Variants in C19orf44 observed in about 807,000 individuals in gnomAD.
C19orf44 encodes the protein uncharacterized protein C19orf44.
C19orf44 carries 43 observed loss-of-function variants against 50.7 expected under a neutral mutation model. The ratio of observed to expected loss-of-function variants is 0.85; its 90% CI spans 0.66 to 1.09. C19orf44 has a LOEUF of 1.09. Among genes scored for constraint, C19orf44 ranks in the 50% least tolerant of loss-of-function variants. The probability of loss-of-function intolerance (pLI) is 0.00; values close to 1 mark genes in which losing one functional copy is unlikely to be tolerated. For synonymous variants in C19orf44, 298 were observed against 334.7 expected (o/e 0.89, Z 1.20); for missense variants, 722 against 836.2 (o/e 0.86, Z 1.68).
intron 3 of C19orf44, among the ~76,000 whole-genome samples, chr19:16,504,903 C>G (rs1484098150): frequency 6.6e-6 from 1 of 151,396 alleles, no homozygotes; most frequent in African/African-American, 2.4e-5. Context: ...ACTGTAACCT[C>G]CGCCTCCTGG....
intron 3 of C19orf44, among the ~76,000 whole-genome samples, chr19:16,503,766 T>C (rs908718122): frequency 2.0e-5 from 3 of 152,008 alleles, no homozygotes; most frequent in African/African-American, 7.2e-5. Flanking sequence ...GGTTTCACCA[T>C]GTTGTCCAGG....
At chr19:16,505,338 C>T (rs929209473) in intron 3 of C19orf44, among the ~76,000 whole-genome samples, 28 of 151,752 alleles carry the variant, frequency 1.8e-4, no homozygotes, top group East Asian at 9.8e-4. Context: ...CTCAGCCTCT[C>T]GAGTAGCTGG....
rs746416232 is a variant in C19orf44 at position 16,503,170 on chromosome 19, C to G, written c.865C>G (p.Leu289Val). 24 of 1,614,040 alleles carry G rather than the reference C, an allele frequency of 1.5e-5. No homozygotes were observed. Among genetic ancestry groups the G allele is most frequent in the Non-Finnish European group, 1.9e-5 (23 of 1,180,040 alleles). Residue 289 changes from leucine to valine, a missense_variant, in exon 3 of 9, where the codon CTT (leucine) becomes GTT (valine). Physicochemically the swap from Leu to Val is conservative, Grantham distance 32. Transcript: ENST00000221671. The stretch of plus-strand genomic sequence containing the variant: ...AACCTCCCTGGCAGCAGACAGAACC[C>G]TTCACAGCACTCGCTCAAGAGCAGA... ...LPTSLAADRTLHSTRSRADYP... is the reference protein window; with the variant it reads ...LPTSLAADRTVHSTRSRADYP...
intron 3 of C19orf44, among the ~76,000 whole-genome samples, chr19:16,506,069 G>A (rs2093439718): frequency 6.6e-6 from 1 of 151,836 alleles, no homozygotes; most frequent in African/African-American, 2.4e-5. Context: ...GCTTTGAACT[G>A]GTCTCAAGAG....
At chr19:16,511,289 C>T (rs910361407) in intron 5 of C19orf44, among the ~76,000 whole-genome samples, 1 of 152,094 alleles carries the variant, frequency 6.6e-6, no homozygotes, top group Non-Finnish European at 1.5e-5. Context: ...CCTGCCTCGG[C>T]CTCTCAAAGT....
At position 16,501,434 on chromosome 19, in the gene C19orf44, C is replaced by CG; in HGVS notation, c.643dup (p.Glu215GlyfsTer16). The CG allele has an allele frequency of 6.8e-6, 11 of 1,613,380 alleles. No individual in the cohort carries two copies. The highest frequency in any genetic ancestry group is 6.8e-6 in the Non-Finnish European group (8 of 1,179,828). The stretch of plus-strand genomic sequence containing the variant: ...GAACATTTGATTCTCCAGACAGTGA[C>CG]GAAGAAGAAATGAAAGTATTGCTAG... On this transcript the variant is annotated frameshift_variant, in exon 2 of 9. Transcript: ENST00000221671. LOFTEE classifies it high-confidence loss of function.
chr19:16,498,676 CTT>C (rs553673820), intron 1 of C19orf44, among the ~76,000 whole-genome samples: 2 of 143,990 alleles, frequency 1.4e-5, no homozygotes, highest in East Asian at 2.0e-4. Flanking sequence ...TGGTTTTTTT[CTT>C]TTTTTTTTTT....
chr19:16,506,686 A>AT lies in C19orf44; in HGVS notation c.1076-9dup. On this transcript the variant is annotated splice_polypyrimidine_tract_variant and intron_variant, in intron 3 of 8. Transcript: ENST00000221671. ...AGAGTAAATGTAAACGCTTATACTC[A>AT]TTTTTTAATTACAGAGTTTAGAATA... 1.3e-6 allele frequency: 2 copies of AT among 1,555,888 alleles called. No individual in the cohort carries two copies. The highest frequency in any genetic ancestry group is 1.4e-5 in the African/African-American group (1 of 72,406).
Position 16,503,112 on chromosome 19 carries a change from C to T in C19orf44, c.807C>T (p.Ser269=). Residue 269 remains serine, a synonymous_variant, in exon 3 of 9, where the codon TCC becomes TCT. Transcript: ENST00000221671. ...RAFTVPSVEL[S]SAKPSQTSHL... Reference sequence around the variant, plus strand: ...TTACTGTACCCAGCGTGGAACTCTCCAGCGCAAAGCCTTCTCAGACATCAC... The same window carrying T: ...TTACTGTACCCAGCGTGGAACTCTCTAGCGCAAAGCCTTCTCAGACATCAC... The T allele has an allele frequency of 1.2e-6, 2 of 1,614,096 alleles. No homozygotes were observed. Among genetic ancestry groups the T allele is most frequent in the Non-Finnish European group, 1.7e-6 (2 of 1,180,026 alleles).
intron 4 of C19orf44, among the ~76,000 whole-genome samples, chr19:16,508,719 C>G (rs1484544167): frequency 6.6e-6 from 1 of 151,944 alleles, no homozygotes; most frequent in Non-Finnish European, 1.5e-5. Flanking sequence ...TATTTTTTTT[C>G]TTACAGAGGT....
At chr19:16,518,983 C>T in intron 8 of C19orf44, 1 of 650,148 alleles carries the variant, frequency 1.5e-6, no homozygotes, top group Non-Finnish European at 2.6e-6. Flanking sequence ...CCCTCCACGC[C>T]ATGGAGCACG....
Position 16,503,238 on chromosome 19 carries a change from G to A in C19orf44, c.933G>A (p.Thr311=), listed in dbSNP as rs146360582. ...TTTCCAGTGACACCGCCTCCCACAC[G>A]CCGTCAGTTTCCATCACAGGCGCCT... ...SHVSSDTASH[T]PSVSITGAFS... is the part of the protein sequence containing the mutation. Residue 311 remains threonine, a synonymous_variant, in exon 3 of 9, where the codon ACG becomes ACA. Transcript: ENST00000221671. 4.7e-5 allele frequency: 76 copies of A among 1,613,944 alleles called. No individual in the cohort carries two copies. Among genetic ancestry groups the A allele is most frequent in the African/African-American group, 2.5e-4 (19 of 74,870 alleles).
In C19orf44 at chr19:16,511,286, C is replaced by T. The variant is rs1353404477; in HGVS notation, c.1639+1298C>T. 4.6e-5 allele frequency among the ~76,000 whole-genome samples: 7 copies of T among 152,148 alleles called. No individual in the cohort carries two copies. In the South Asian group the frequency reaches 6.2e-4, roughly 14 times the overall value. On this transcript the variant is annotated intron_variant, in intron 5 of 8. Transcript: ENST00000221671. ...TCCTGACCTCGTGATCTGCCTGCCT[C>T]GGCCTCTCAAAGTGCTGGGATTATA...
At chr19:16,517,407 T>G (rs1389698703) in intron 8 of C19orf44, 66 bp downstream of exon 8, 1 of 1,190,378 alleles carries the variant, frequency 8.4e-7, no homozygotes, top group Admixed American at 2.0e-5. Flanking sequence ...AGTGTCCAAG[T>G]GTGACGTTCC....
chr19:16,501,385 C>T lies in C19orf44; in HGVS notation c.593C>T (p.Thr198Ile). 6.2e-7 allele frequency: 1 copy of T among 1,613,846 alleles called. No homozygotes were observed. Among genetic ancestry groups the T allele is most frequent in the Non-Finnish European group, 8.5e-7 (1 of 1,179,956 alleles). ...APAGKERTLQ[T>I]PKQKEPARTF... ...GCTGGGAAAGAGAGGACTTTGCAAA[C>T]CCCCAAACAGAAAGAACCTGCTAGA... Residue 198 changes from threonine (T) to isoleucine (I), a missense_variant, in exon 2 of 9, where the codon ACC (threonine) becomes ATC (isoleucine). Coordinates refer to ENST00000221671, the MANE Select transcript of C19orf44 (RefSeq NM_032207.4).
chr19:16,519,545 A>G lies in C19orf44; in HGVS notation c.*41-549A>G. The stretch of plus-strand genomic sequence containing the variant: ...CATCCATCCCCACATGCACTGAGGA[A>G]GAGAAAGCGCTGGTGACTCCCGGGC... On this transcript the variant is annotated intron_variant, in intron 8 of 8. Coordinates refer to ENST00000221671, the MANE Select transcript of C19orf44 (RefSeq NM_032207.4). This position sits in a 1 kb window ranked among gnomAD's most constrained non-coding sequence, Gnocchi z 6.0. 7.2e-7 allele frequency: 1 copy of G among 1,381,666 alleles called. No homozygotes were observed. Among genetic ancestry groups the G allele is most frequent in the Non-Finnish European group, 1.0e-6 (1 of 971,564 alleles). The allele number at this position is 1,381,666 out of a possible 1,614,324, so 85.6% of individuals were successfully genotyped here.
At chr19:16,512,902 C>A in intron 5 of C19orf44, 112 bp from the exon 6 acceptor site, 3 of 793,486 alleles carry the variant, frequency 3.8e-6, no homozygotes, top group Non-Finnish European at 3.9e-6. Flanking sequence ...CGATCACCTT[C>A]AGAAAGAGGG....
At chr19:16,497,526 T>G (rs2093413302) in intron 1 of C19orf44, among the ~76,000 whole-genome samples, 1 of 151,774 alleles carries the variant, frequency 6.6e-6, no homozygotes, top group Non-Finnish European at 1.5e-5. Context: ...AATTTTTGTA[T>G]TGTTAGTAGA....
In C19orf44 at chr19:16,519,168, C is replaced by T. The variant is rs756725468; in HGVS notation, c.*41-926C>T. 1 of 1,613,272 alleles carries T rather than the reference C, an allele frequency of 6.2e-7. No homozygotes were observed. The highest frequency in any genetic ancestry group is 1.1e-5 in the South Asian group (1 of 90,998). ...CTCCCGGCATGGGCGCCTACTTACA[C>T]TCGTCCCTGGCCTTCATGCGGGCGA... On this transcript the variant is annotated intron_variant, in intron 8 of 8. Coordinates refer to ENST00000221671, the MANE Select transcript of C19orf44 (RefSeq NM_032207.4). This position sits in a 1 kb window ranked among gnomAD's most constrained non-coding sequence, Gnocchi z 6.0.
Sources: gnomAD v4.1 joint callset for allele counts (sites outside exome capture counted in the v4.1 genomes callset) on GRCh38, gnomAD v4.1.1 for gene constraint, Gnocchi (gnomAD v3.1) non-coding constraint, MANE v1.5 for transcripts, NCBI Gene and HGNC (gene_info 2026-07-23, HGNC 2026-07-21) for gene names.